The following PYROXD1 variants were observed in gnomAD, a reference collection of about 807,000 sequenced individuals.
The protein encoded by PYROXD1 is tRNA ligase complex-associated NAD(P)H dehydrogenase PYROXD1.
PYROXD1 carries 42 observed loss-of-function variants against 62.0 expected under a neutral mutation model. The ratio of observed to expected loss-of-function variants is 0.68; its 90% CI spans 0.53 to 0.88. The LOEUF (loss-of-function observed/expected upper bound fraction) is 0.88. Ranked by LOEUF, PYROXD1 falls within the 40% of genes least tolerant of loss-of-function variation. PYROXD1 has a pLI of 0.00. For missense variants in PYROXD1, 493 were observed against 604.8 expected, an observed-to-expected ratio of 0.82 and a Z score of 1.94; for synonymous variants, 170 against 206.4, an observed-to-expected ratio of 0.82 and a Z score of 1.51.
chr12:21,437,832 C>G lies in PYROXD1; in HGVS notation c.84+18C>G. On this transcript the variant is annotated intron_variant, in intron 1 of 11. Transcript: ENST00000240651. ...CGGAGCAGGTAGGGCGGTGCTCAGG[C>G]GGTTCCGCCTCTTTCCCCGACCCCA... The G allele has an allele frequency of 1.2e-6, 2 of 1,606,306 alleles. No individual in the cohort carries two copies. The highest frequency in any genetic ancestry group is 1.7e-6 in the Non-Finnish European group (2 of 1,176,194).
At chr12:21,462,690 A>G in intron 9 of PYROXD1, 50 bp from the exon 10 acceptor site, 1 of 1,594,638 alleles carries the variant, frequency 6.3e-7, no homozygotes, top group South Asian at 1.1e-5. Flanking sequence ...AAATGGAAAA[A>G]GTCGTTTCAT....
Position 21,449,525 on chromosome 12 carries a change from G to A in PYROXD1, c.286-38G>A, listed in dbSNP as rs767860891. On this transcript the variant is annotated intron_variant, in intron 3 of 11. Transcript: ENST00000240651. ...GTGAAGTTGTATCCATGTTGATTATGTGTCTCCCTTTTCTTTCATTGTTTG... is the reference window on the plus strand; with the variant it reads ...GTGAAGTTGTATCCATGTTGATTATATGTCTCCCTTTTCTTTCATTGTTTG... 13 of 1,582,276 alleles carry A rather than the reference G, an allele frequency of 8.2e-6. No homozygotes were observed. In the South Asian group the frequency reaches 1.4e-4, roughly 17 times the overall value.
At chr12:21,455,629 A>T (rs530790615) in intron 6 of PYROXD1, among the ~76,000 whole-genome samples, 2 of 151,830 alleles carry the variant, frequency 1.3e-5, no homozygotes, top group African/African-American at 4.8e-5. Flanking sequence ...TTTAAGTTTG[A>T]TAGCTTTGAA....
At chr12:21,459,348 G>T (rs1321163240) in intron 7 of PYROXD1, among the ~76,000 whole-genome samples, 1 of 152,172 alleles carries the variant, frequency 6.6e-6, no homozygotes, top group Non-Finnish European at 1.5e-5. Context: ...GTTGCTAGAG[G>T]GTGGTCTATC....
chr12:21,466,476 T>C (rs1942796058), intron 10 of PYROXD1, among the ~76,000 whole-genome samples: 1 of 152,156 alleles, frequency 6.6e-6, no homozygotes, highest in East Asian at 1.9e-4. Flanking sequence ...TGTCTGTTGT[T>C]GGTGTATAAG....
intron 3 of PYROXD1, 25 bp downstream of exon 3, chr12:21,445,491 C>T (rs751749035): frequency 1.1e-5 from 17 of 1,553,644 alleles, no homozygotes; most frequent in Admixed American, 4.1e-5. Flanking sequence ...TTCTTAATAA[C>T]ATTTTCCATT....
Position 21,462,779 on chromosome 12 carries a change from C to T in PYROXD1, c.1033C>T (p.His345Tyr). Residue 345 changes from histidine to tyrosine, a missense_variant, in exon 10 of 12, where the codon CAT (histidine) becomes TAT (tyrosine). His to Tyr is a moderately conservative substitution (Grantham distance 83). Around this residue, in one of 2 missense-constraint regions of PYROXD1, gnomAD observed 329 missense variants for 446.6 expected, o/e 0.74. Transcript: ENST00000240651. ...GEDGGLKVDD[H>Y]MHTSLPDIYA... Reference sequence around the variant, plus strand: ...AGATGGTGGCCTGAAAGTGGATGATCATATGCACACATCCCTTCCTGATAT... The same window carrying T: ...AGATGGTGGCCTGAAAGTGGATGATTATATGCACACATCCCTTCCTGATAT... The T allele has an allele frequency of 1.2e-6, 2 of 1,613,754 alleles. No individual in the cohort carries two copies. The highest frequency in any genetic ancestry group is 1.7e-6 in the Non-Finnish European group (2 of 1,179,712).
intron 7 of PYROXD1, 121 bp downstream of exon 7, chr12:21,456,216 A>G (rs1348596579): frequency 4.7e-6 from 3 of 643,546 alleles, no homozygotes; most frequent in Admixed American, 3.1e-5. Flanking sequence ...CTTAAAATCC[A>G]TAGTGTTAGG....
intron 10 of PYROXD1, among the ~76,000 whole-genome samples, chr12:21,466,180 G>A (rs1353994096): frequency 6.7e-6 from 1 of 150,310 alleles, no homozygotes; most frequent in African/African-American, 2.4e-5. Flanking sequence ...GAACTTTAAA[G>A]TAGTTTTTTC....
intron 5 of PYROXD1, among the ~76,000 whole-genome samples, chr12:21,453,181 A>G (rs58218666): frequency 0.18 from 28,061 of 152,040 alleles, 2,838 homozygotes; most frequent in Middle Eastern, 0.3. Context: ...ATCACTTACT[A>G]TTATTATAAT....
chr12:21,462,641 C>G (rs1459269224), intron 9 of PYROXD1, 99 bp from the exon 10 acceptor site: 7 of 1,314,464 alleles, frequency 5.3e-6, no homozygotes, highest in Non-Finnish European at 7.5e-6. Flanking sequence ...TAAAGATGAG[C>G]ATGCAAAGTG....
chr12:21,441,300 G>C (rs569998705), intron 2 of PYROXD1: 1 of 152,200 alleles, frequency 6.6e-6, no homozygotes, highest in African/African-American at 2.4e-5. Flanking sequence ...TGGGATTACA[G>C]GTGTGAGCCA....
intron 10 of PYROXD1, among the ~76,000 whole-genome samples, chr12:21,464,743 A>C (rs115015375): frequency 6.7e-6 from 1 of 148,574 alleles, no homozygotes; most frequent in African/African-American, 2.5e-5. Context: ...TTTTATTATT[A>C]TATTTAAGTT....
intron 10 of PYROXD1, among the ~76,000 whole-genome samples, chr12:21,467,107 A>C (rs2137291491): frequency 6.6e-6 from 1 of 152,258 alleles, no homozygotes; most frequent in East Asian, 1.9e-4. Flanking sequence ...GGTTGCTGGA[A>C]AATAGAACAA....
At chr12:21,448,173 C>G in intron 3 of PYROXD1, 1 of 665,482 alleles carries the variant, frequency 1.5e-6, no homozygotes, top group African/African-American at 1.8e-5. Flanking sequence ...TTTCACATAC[C>G]TGGCATCAGG....
intron 1 of PYROXD1, 198 bp downstream of exon 1, chr12:21,438,012 G>C (rs1942224287): frequency 1.7e-6 from 1 of 589,330 alleles, no homozygotes; most frequent in East Asian, 2.9e-5. Context: ...CTTAGGCGCA[G>C]GGAGGAGTGG....
intron 2 of PYROXD1, among the ~76,000 whole-genome samples, chr12:21,443,609 A>G (rs1181872939): frequency 6.6e-6 from 1 of 152,206 alleles, no homozygotes; most frequent in Non-Finnish European, 1.5e-5. Flanking sequence ...CTACAGAACT[A>G]CAATTATAAA....
rs370683416 is a variant in PYROXD1 at position 21,442,938 on chromosome 12, C to T, written c.166-2409C>T. On this transcript the variant is annotated intron_variant, in intron 2 of 11. Transcript: ENST00000240651. ...GTGGTTATTCTCCATTTTCATGCTCCACTGTGTTGCTGCAGATTGTTTAAT... is the reference window on the plus strand; with the variant it reads ...GTGGTTATTCTCCATTTTCATGCTCTACTGTGTTGCTGCAGATTGTTTAAT... 3.1e-3 allele frequency among the ~76,000 whole-genome samples: 467 copies of T among 152,168 alleles called. 1 individual carries two copies. The highest frequency in any genetic ancestry group is 0.011 in the African/African-American group (447 of 41,508).
intron 1 of PYROXD1, among the ~76,000 whole-genome samples, chr12:21,440,006 G>C (rs907229832): frequency 6.6e-6 from 1 of 152,176 alleles, no homozygotes; most frequent in Non-Finnish European, 1.5e-5. Flanking sequence ...AAGATAAATA[G>C]AAGTTGGTTT....
Sources: gnomAD v4.1 joint callset for allele counts (sites outside exome capture counted in the v4.1 genomes callset) on GRCh38, gnomAD v4.1.1 for gene constraint, gnomAD v4.1.1 regional missense constraint, MANE v1.5 for transcripts, NCBI Gene and HGNC (gene_info 2026-07-23, HGNC 2026-07-21) for gene names.